Variants in DNAH17 observed in about 807,000 individuals in gnomAD.
DNAH17 encodes dynein axonemal heavy chain 17, also known as axonemal beta dynein heavy chain 17.
DNAH17 carries 376 observed loss-of-function variants against 485.6 expected under a neutral mutation model. The observed-to-expected ratio is 0.77, with a 90% CI of 0.71 to 0.84. The LOEUF (loss-of-function observed/expected upper bound fraction) is 0.84. DNAH17 is among the 40% of genes least tolerant of loss of function. The probability of loss-of-function intolerance (pLI) is 0.00; values close to 1 mark genes in which losing one functional copy is unlikely to be tolerated. For missense variants in DNAH17, 6,370 were observed against 5,839.3 expected, an observed-to-expected ratio of 1.09 and a Z score of -2.96; for synonymous variants, 3,031 against 2,405.9, an observed-to-expected ratio of 1.26 and a Z score of -7.60.
intron 54 of DNAH17, among the ~76,000 whole-genome samples, chr17:78,470,326 C>G (rs1050732158): frequency 2.7e-5 from 4 of 150,464 alleles, no homozygotes; most frequent in Non-Finnish European, 5.9e-5. Context: ...CCTCGGCCTC[C>G]CAAAGTGCTG....
intron 76 of DNAH17, 136 bp from the exon 77 acceptor site, chr17:78,428,843 C>A: frequency 1.8e-6 from 2 of 1,108,598 alleles, no homozygotes; most frequent in Non-Finnish European, 2.6e-6. Flanking sequence ...TTCCCAGCCC[C>A]CTTTGTGGGC....
Position 78,560,878 on chromosome 17 carries a change from C to T in DNAH17, c.1893G>A (p.Glu631=). 6.4e-7 allele frequency: 1 copy of T among 1,551,678 alleles called. No homozygotes were observed. Reference sequence around the variant, plus strand: ...TCTTCTCGCGGTGGCACCTCAGCAGCTCCATCATCTCGTCATACTTCTGAT... The same window carrying T: ...TCTTCTCGCGGTGGCACCTCAGCAGTTCCATCATCTCGTCATACTTCTGAT... ...LTYQKYDEMM[E]LLRCHREKIY... The change falls in exon 13 of 81, where the codon GAG becomes GAA. Residue 631 remains glutamate, a synonymous_variant. Transcript: ENST00000389840.
intron 52 of DNAH17, among the ~76,000 whole-genome samples, chr17:78,476,290 A>G (rs1231390131): frequency 6.7e-6 from 1 of 148,800 alleles, no homozygotes; most frequent in Non-Finnish European, 1.5e-5. Context: ...CCTCGGACCC[A>G]CAGCCAAGTG....
intron 21 of DNAH17, among the ~76,000 whole-genome samples, chr17:78,530,003 T>C (rs2091186884): frequency 6.6e-6 from 1 of 152,234 alleles, no homozygotes; most frequent in Non-Finnish European, 1.5e-5. Flanking sequence ...CTCCTGGCAC[T>C]GTGCCCATCA....
At chr17:78,491,675 T>TAC in intron 42 of DNAH17, 105 bp from the exon 43 acceptor site, 1 of 1,472,180 alleles carries the variant, frequency 6.8e-7, no homozygotes, top group South Asian at 1.4e-5. Flanking sequence ...GCCTGTCCCC[T>TAC]ACTTCAGAGG....
At chr17:78,468,277 A>G (rs1234828468) in intron 55 of DNAH17, among the ~76,000 whole-genome samples, 1 of 152,202 alleles carries the variant, frequency 6.6e-6, no homozygotes, top group Non-Finnish European at 1.5e-5. Context: ...AGTAGAGGGG[A>G]GCATCTTCAA....
rs374252436 is a variant in DNAH17, at chr17:78,539,723, T to C, written c.2676+14A>G. ...ACATATACATAAATATATTACCTTA[T>C]GTTGATAACTTACATCTATAACCAT... On this transcript the variant is annotated intron_variant, in intron 18 of 80. Transcript: ENST00000389840. 34 of 1,595,610 alleles carry C rather than the reference T, an allele frequency of 2.1e-5. No individual in the cohort carries two copies. The highest frequency in any genetic ancestry group is 1.7e-4 in the Middle Eastern group (1 of 5,992).
At chr17:78,443,044 G>A (rs973187146) in intron 71 of DNAH17, among the ~76,000 whole-genome samples, 2 of 152,202 alleles carry the variant, frequency 1.3e-5, no homozygotes, top group African/African-American at 4.8e-5. Flanking sequence ...GCTGAGGGAT[G>A]ATCTGCGCTC....
chr17:78,432,341 G>T (rs1374469630), intron 75 of DNAH17, among the ~76,000 whole-genome samples: 11 of 152,138 alleles, frequency 7.2e-5, no homozygotes, highest in Admixed American at 7.2e-4. Flanking sequence ...TCAGATCCGG[G>T]TCTTGTTCTG....
rs761433633 is a variant in DNAH17 at position 78,503,018 on chromosome 17, A to T, written c.4957-7T>A. 1 of 1,612,222 alleles carries T rather than the reference A, an allele frequency of 6.2e-7. No homozygotes were observed. Among genetic ancestry groups the T allele is most frequent in the South Asian group, 1.1e-5 (1 of 90,798 alleles). On this transcript the variant is annotated splice_region_variant and splice_polypyrimidine_tract_variant and intron_variant, in intron 31 of 80. Coordinates refer to ENST00000389840, the MANE Select transcript of DNAH17 (RefSeq NM_173628.4). ...GATTCAGCCACACTTCCACCTGGGG[A>T]CGGGAGCCACGGTGACCAATACAGC...
At chr17:78,530,550 C>T in intron 20 of DNAH17, 38 bp from the exon 21 acceptor site, 2 of 1,575,492 alleles carry the variant, frequency 1.3e-6, no homozygotes, top group Non-Finnish European at 1.7e-6. Context: ...TCATAGCCTG[C>T]AAGCCTAGGG....
intron 33 of DNAH17, 98 bp from the exon 34 acceptor site, chr17:78,501,971 A>G: frequency 1.3e-6 from 2 of 1,525,704 alleles, no homozygotes; most frequent in Non-Finnish European, 1.8e-6. Context: ...GAACACCACC[A>G]TGCTTTTGTT....
At chr17:78,461,730 A>C in intron 57 of DNAH17, 22 bp from the exon 58 acceptor site, 4 of 1,602,376 alleles carry the variant, frequency 2.5e-6, no homozygotes, top group Non-Finnish European at 3.4e-6. Flanking sequence ...GAAACCGAGA[A>C]ACAGCAAGTG....
At chr17:78,435,208 C>T (rs1354367875) in intron 74 of DNAH17, among the ~76,000 whole-genome samples, 2 of 152,136 alleles carry the variant, frequency 1.3e-5, no homozygotes, top group South Asian at 2.1e-4. Context: ...GTGACACCAG[C>T]CAATGGGAGA....
At chr17:78,453,540 G>T in intron 64 of DNAH17, 75 bp from the exon 65 acceptor site, 1 of 1,578,800 alleles carries the variant, frequency 6.3e-7, no homozygotes, top group Non-Finnish European at 8.6e-7. Flanking sequence ...CCGACCAGCA[G>T]CCCCTGCCCT....
intron 38 of DNAH17, 49 bp from the exon 39 acceptor site, chr17:78,495,146 C>A (rs890515419): frequency 1.0e-5 from 16 of 1,530,400 alleles, no homozygotes; most frequent in South Asian, 3.8e-5. Flanking sequence ...CCCTCCCCAA[C>A]CTACACCCCT....
At chr17:78,547,112 A>C (rs951664581) in intron 16 of DNAH17, among the ~76,000 whole-genome samples, 3 of 152,162 alleles carry the variant, frequency 2.0e-5, no homozygotes, top group South Asian at 2.1e-4. Context: ...AACCGTATTT[A>C]TCTCTTTATA....
At chr17:78,476,862 A>C (rs1441234282) in intron 51 of DNAH17, 129 bp from the exon 52 acceptor site, 10 of 1,149,320 alleles carry the variant, frequency 8.7e-6, no homozygotes, top group Non-Finnish European at 1.2e-5. Flanking sequence ...TTGGCACAGC[A>C]TTCACTTGGG....
chr17:78,493,989 C>A (rs1249861508), intron 41 of DNAH17, 47 bp downstream of exon 41: 1 of 1,582,108 alleles, frequency 6.3e-7, no homozygotes, highest in East Asian at 2.3e-5. Flanking sequence ...CCCAGCCCTC[C>A]CCCACCATGC....
Sources: allele counts gnomAD v4.1 joint callset (sites outside exome capture counted in the v4.1 genomes callset), GRCh38; gene constraint gnomAD v4.1.1; transcripts MANE v1.5; gene names NCBI Gene and HGNC (gene_info 2026-07-23, HGNC 2026-07-21).